Variants in RPAP2 observed in about 807,000 individuals in gnomAD.
The protein encoded by RPAP2 is RNA polymerase II associated protein 2, also known as putative RNA polymerase II subunit B1 CTD phosphatase RPAP2.
A neutral mutation model predicts 73.1 loss-of-function variants in RPAP2; 52 were observed. The ratio of observed to expected loss-of-function variants is 0.71; its 90% CI spans 0.57 to 0.90. RPAP2 has a LOEUF of 0.90. Ranked by LOEUF, RPAP2 falls within the 40% of genes least tolerant of loss-of-function variation. RPAP2 has a pLI of 0.00. For synonymous variants in RPAP2, 225 were observed against 242.1 expected, an observed-to-expected ratio of 0.93 and a Z score of 0.65; for missense variants, 598 against 701.8, an observed-to-expected ratio of 0.85 and a Z score of 1.67.
At chr1:92,363,596 C>T (rs1401073057) in intron 11 of RPAP2, 1 of 163,012 alleles carries the variant, frequency 6.1e-6, no homozygotes, top group African/African-American at 2.4e-5. Flanking sequence ...CCTTGAACAA[C>T]ATGGGTTTAT....
rs1656271509 is a variant in RPAP2, at chr1:92,399,817, T to G, written c.*12806T>G. On this transcript the variant is annotated 3_prime_UTR_variant, in exon 13 of 13. Transcript: ENST00000610020. ...ACACTAAATTTTAGACAGAGTCACTTTCACTATGGCCACAATGGGAGAAAA... is the reference window on the plus strand; with the variant it reads ...ACACTAAATTTTAGACAGAGTCACTGTCACTATGGCCACAATGGGAGAAAA... 2 of 152,170 alleles carry G rather than the reference T, an allele frequency of 1.3e-5. No individual in the cohort carries two copies. Among genetic ancestry groups the G allele is most frequent in the South Asian group, 4.1e-4 (2 of 4,820 alleles). 9.4% of individuals were successfully genotyped at this position (152,170 alleles called of 1,614,324 possible).
At chr1:92,323,118 G>A (rs1179038372) in intron 7 of RPAP2, among the ~76,000 whole-genome samples, 2 of 146,868 alleles carry the variant, frequency 1.4e-5, no homozygotes, top group Non-Finnish European at 3.0e-5. Flanking sequence ...AATCCAAATA[G>A]TGCAGTAGGA....
intron 11 of RPAP2, among the ~76,000 whole-genome samples, chr1:92,369,554 CT>C (rs1267752751): frequency 6.6e-6 from 1 of 152,092 alleles, no homozygotes; most frequent in African/African-American, 2.4e-5. Flanking sequence ...GTCTTCCTAC[CT>C]CAGCCTTCCA....
chr1:92,398,405 T>C lies in RPAP2; in HGVS notation c.*11394T>C, dbSNP rs2101475608. 1 of 152,280 alleles carries C rather than the reference T, an allele frequency of 6.6e-6. No individual in the cohort carries two copies. The highest frequency in any genetic ancestry group is 2.4e-5 in the African/African-American group (1 of 41,552). 9.4% of individuals were successfully genotyped at this position (152,280 alleles called of 1,614,324 possible). ...AAGGTATTATTTAGCATCTTCTGCTTATAGTCATGTCCAAAAACCAGTTGA... is the reference window on the plus strand; with the variant it reads ...AAGGTATTATTTAGCATCTTCTGCTCATAGTCATGTCCAAAAACCAGTTGA... On this transcript the variant is annotated 3_prime_UTR_variant, in exon 13 of 13. Transcript: ENST00000610020.
intron 12 of RPAP2, among the ~76,000 whole-genome samples, chr1:92,385,797 T>TA (rs1476926141): frequency 1.3e-5 from 2 of 152,362 alleles, no homozygotes; most frequent in East Asian, 3.9e-4. Context: ...AAACATTTTT[T>TA]ATGTCACAGT....
chr1:92,302,343 A>C (rs947340879), intron 3 of RPAP2, among the ~76,000 whole-genome samples: 7 of 151,248 alleles, frequency 4.6e-5, no homozygotes, highest in Non-Finnish European at 7.4e-5. Flanking sequence ...AAAAAAAAAA[A>C]GAAAAAGCAA....
At chr1:92,320,514 G>T (rs183848355) in intron 6 of RPAP2, 85 bp from the exon 7 acceptor site, 1 of 1,049,002 alleles carries the variant, frequency 9.5e-7, no homozygotes, top group East Asian at 2.4e-5. Context: ...CTCGAGATCC[G>T]CCTGCCCAGC....
intron 11 of RPAP2, among the ~76,000 whole-genome samples, chr1:92,370,872 A>C (rs1655119183): frequency 6.6e-6 from 1 of 152,248 alleles, no homozygotes; most frequent in Non-Finnish European, 1.5e-5. Flanking sequence ...AAGAATAGTG[A>C]TAGCCAGAAT....
At chr1:92,369,997 GC>G (rs1655083894) in intron 11 of RPAP2, among the ~76,000 whole-genome samples, 1 of 152,174 alleles carries the variant, frequency 6.6e-6, no homozygotes, top group South Asian at 2.1e-4. Context: ...TGATTCTTGT[GC>G]CTCATCCTCC....
rs1656279835 is a variant in RPAP2 at position 92,400,166 on chromosome 1, A to T, written c.*13155A>T. The T allele has an allele frequency of 6.6e-6, 1 of 152,180 alleles. No homozygotes were observed. The highest frequency in any genetic ancestry group is 6.5e-5 in the Admixed American group (1 of 15,278). 9.4% of individuals were successfully genotyped at this position (152,180 alleles called of 1,614,324 possible). On this transcript the variant is annotated 3_prime_UTR_variant, in exon 13 of 13. Transcript: ENST00000610020. ...GGGAGCTAAAACAGGACTCAATCAA[A>T]ACCCACTTGGGATTAGGGAAGCCAC...
chr1:92,304,562 A>G (rs1160199479), intron 5 of RPAP2, among the ~76,000 whole-genome samples: 2 of 152,332 alleles, frequency 1.3e-5, no homozygotes, highest in South Asian at 2.1e-4. Flanking sequence ...TTAAGCTTCA[A>G]TTAAGACTTG....
At chr1:92,367,186 G>C (rs1050784646) in intron 11 of RPAP2, among the ~76,000 whole-genome samples, 14 of 152,168 alleles carry the variant, frequency 9.2e-5, no homozygotes, top group Non-Finnish European at 1.6e-4. Flanking sequence ...AAAGTGACTG[G>C]ATAGGTTGCA....
intron 11 of RPAP2, among the ~76,000 whole-genome samples, chr1:92,368,471 C>A (rs1278300974): frequency 6.6e-6 from 1 of 152,172 alleles, no homozygotes; most frequent in African/African-American, 2.4e-5. Flanking sequence ...TCTACTTGCT[C>A]AATAAACCAC....
At chr1:92,382,709 T>C (rs563512475) in intron 12 of RPAP2, among the ~76,000 whole-genome samples, 2 of 152,188 alleles carry the variant, frequency 1.3e-5, no homozygotes, top group Non-Finnish European at 1.5e-5. Context: ...TTTTCTCCCA[T>C]TCTGTAGGTT....
rs1005290515 is a variant in RPAP2, at chr1:92,299,125, C to G, written c.52C>G (p.Arg18Gly). 1 of 1,520,992 alleles carries G rather than the reference C, an allele frequency of 6.6e-7. No individual in the cohort carries two copies. The highest frequency in any genetic ancestry group is 1.4e-5 in the African/African-American group (1 of 71,454). The allele number at this position is 1,520,992 out of a possible 1,614,324, so 94.2% of individuals were successfully genotyped here. ...SSAGRKAGAPRCSRKAAGTKQ... is the reference protein window; with the variant it reads ...SSAGRKAGAPGCSRKAAGTKQ... ...TGCCGGCCGCAAGGCCGGGGCTCCC[C>G]GCTGCTCTCGAAAAGCCGCAGGTAG... The change falls in exon 1 of 13, where the codon CGC (arginine) becomes GGC (glycine). Residue 18 changes from arginine (R) to glycine (G), a missense_variant. Arg to Gly is a moderately radical substitution (Grantham distance 125). This residue lies in a region of RPAP2 where 77 missense variants were observed against 55.7 expected (regional missense o/e 1.38). Transcript: ENST00000610020.
At chr1:92,322,201 C>T (rs1335954756) in intron 7 of RPAP2, among the ~76,000 whole-genome samples, 1 of 151,652 alleles carries the variant, frequency 6.6e-6, no homozygotes, top group African/African-American at 2.4e-5. Flanking sequence ...CTGCCTTGGC[C>T]TCCCAAGGTG....
chr1:92,378,526 A>G (rs918975628), intron 11 of RPAP2, among the ~76,000 whole-genome samples: 8 of 152,130 alleles, frequency 5.3e-5, no homozygotes, highest in Non-Finnish European at 8.8e-5. Context: ...ACCACTTTAA[A>G]TATAAACAAA....
rs1388929837 is a variant in RPAP2, at chr1:92,398,315, T to C, written c.*11304T>C. 3.3e-5 allele frequency: 5 copies of C among 152,168 alleles called. No individual in the cohort carries two copies. Among genetic ancestry groups the C allele is most frequent in the Admixed American group, 2.6e-4 (4 of 15,278 alleles). 9.4% of individuals were successfully genotyped at this position (152,168 alleles called of 1,614,324 possible). On this transcript the variant is annotated 3_prime_UTR_variant, in exon 13 of 13. Transcript: ENST00000610020. Reference sequence around the variant, plus strand: ...CCCATAAATATATACATCTACTATGTACCCACAAAAATTAAAAAATGTTTA... The same window carrying C: ...CCCATAAATATATACATCTACTATGCACCCACAAAAATTAAAAAATGTTTA...
At position 92,399,717 on chromosome 1, in the gene RPAP2, C is replaced by G. The variant is rs1431642366; in HGVS notation, c.*12706C>G. 6.6e-6 allele frequency: 1 copy of G among 152,138 alleles called. No individual in the cohort carries two copies. Among genetic ancestry groups the G allele is most frequent in the Non-Finnish European group, 1.5e-5 (1 of 68,028 alleles). The allele number at this position is 152,138 out of a possible 1,614,324, so 9.4% of individuals were successfully genotyped here. A position where few individuals can be genotyped will look rare whatever the true frequency, so the allele number is the denominator to read the frequency against. ...ATAGCCTATGATCTGTCACCTTGCTCACTCCCACATCCTTACCTCTTATCC... is the reference window on the plus strand; with the variant it reads ...ATAGCCTATGATCTGTCACCTTGCTGACTCCCACATCCTTACCTCTTATCC... On this transcript the variant is annotated 3_prime_UTR_variant, in exon 13 of 13. Transcript: ENST00000610020.
Sources: gnomAD v4.1 joint callset for allele counts (sites outside exome capture counted in the v4.1 genomes callset) on GRCh38, gnomAD v4.1.1 for gene constraint, gnomAD v4.1.1 regional missense constraint, MANE v1.5 for transcripts, NCBI Gene and HGNC (gene_info 2026-07-23, HGNC 2026-07-21) for gene names.